The following PCDH9 variants were observed in gnomAD, a reference collection of about 807,000 sequenced individuals.
PCDH9 encodes protocadherin 9, also known as protocadherin-9.
PCDH9 carries 24 observed loss-of-function variants against 70.6 expected under a neutral mutation model. The observed-to-expected ratio is 0.34, with a 90% CI of 0.25 to 0.48. PCDH9 has a LOEUF of 0.48. PCDH9 is among the 20% of genes least tolerant of loss of function. The probability of loss-of-function intolerance (pLI) is 0.99; values close to 1 mark genes in which losing one functional copy is unlikely to be tolerated. For synonymous variants in PCDH9, 562 were observed against 558.5 expected, an observed-to-expected ratio of 1.01 and a Z score of -0.09; for missense variants, 1,281 against 1,503.6, an observed-to-expected ratio of 0.85 and a Z score of 2.45.
chr13:67,037,079 C>T (rs1341761131), intron 2 of PCDH9, among the ~76,000 whole-genome samples: 2 of 152,156 alleles, frequency 1.3e-5, no homozygotes, highest in Non-Finnish European at 2.9e-5. Context: ...TTAAAAGCAG[C>T]TTTAGAGTGC....
chr13:66,896,563 T>C (rs1330599238), intron 3 of PCDH9, among the ~76,000 whole-genome samples: 1 of 151,302 alleles, frequency 6.6e-6, no homozygotes, highest in African/African-American at 2.5e-5. Context: ...ATAATTTCTA[T>C]AAAAATCAAA....
chr13:66,932,051 T>C (rs2082820183), intron 2 of PCDH9, among the ~76,000 whole-genome samples: 1 of 152,114 alleles, frequency 6.6e-6, no homozygotes, highest in South Asian at 2.1e-4. Flanking sequence ...GGAAAGTCAG[T>C]AGCCAAATGG....
chr13:66,569,389 A>C (rs1486122347), intron 4 of PCDH9, among the ~76,000 whole-genome samples: 1 of 152,110 alleles, frequency 6.6e-6, no homozygotes, highest in Non-Finnish European at 1.5e-5. Context: ...CTAAAATGCC[A>C]CTACTCAAAA....
intron 2 of PCDH9, among the ~76,000 whole-genome samples, chr13:67,006,656 A>G (rs1400945870): frequency 1.3e-5 from 2 of 152,202 alleles, no homozygotes; most frequent in Non-Finnish European, 2.9e-5. Flanking sequence ...GTTTAAGTTG[A>G]ATTAAGGTCA....
At position 67,119,849 on chromosome 13, in the gene PCDH9, A is replaced by C. The variant is rs535897392; in HGVS notation, c.3036+105556T>G. On this transcript the variant is annotated intron_variant, in intron 2 of 4. Coordinates refer to ENST00000377865, the MANE Select transcript of PCDH9 (RefSeq NM_203487.3). ...GAATCGTGCAAGAATGGATAGAAAA[A>C]TTCTGAGCCAGGTGGTCATGAGTAG... Among the ~76,000 whole-genome samples, 4 of 152,272 alleles carry C rather than the reference A, an allele frequency of 2.6e-5. No individual in the cohort carries two copies. The South Asian group carries it at 8.3e-4, about 32-fold the overall frequency.
intron 2 of PCDH9, among the ~76,000 whole-genome samples, chr13:67,102,654 A>T (rs1488367820): frequency 6.6e-6 from 1 of 152,190 alleles, no homozygotes; most frequent in African/African-American, 2.4e-5. Context: ...CATGACAGAG[A>T]TAATCTAATC....
chr13:66,340,163 A>G (rs1956102226), intron 4 of PCDH9, among the ~76,000 whole-genome samples: 1 of 152,226 alleles, frequency 6.6e-6, no homozygotes, highest in South Asian at 2.1e-4. Flanking sequence ...ATTTTCAAAT[A>G]TTTCAAATTA....
chr13:66,766,974 G>A (rs940605717), intron 3 of PCDH9, among the ~76,000 whole-genome samples: 10 of 151,968 alleles, frequency 6.6e-5, no homozygotes, highest in Non-Finnish European at 1.0e-4. Context: ...ACATTCAAAA[G>A]AAGTGCAAAA....
chr13:66,760,739 C>A (rs567059613), intron 3 of PCDH9, among the ~76,000 whole-genome samples: 1 of 152,038 alleles, frequency 6.6e-6, no homozygotes, highest in Non-Finnish European at 1.5e-5. Context: ...CTTGCAAAAG[C>A]GAATAGGAGA....
At chr13:66,961,082 T>A (rs1030172627) in intron 2 of PCDH9, among the ~76,000 whole-genome samples, 1 of 152,180 alleles carries the variant, frequency 6.6e-6, no homozygotes, top group Non-Finnish European at 1.5e-5. Context: ...TTTAACTGAC[T>A]ATAGTACAAA....
At chr13:66,777,575 A>G (rs1946189756) in intron 3 of PCDH9, among the ~76,000 whole-genome samples, 1 of 152,146 alleles carries the variant, frequency 6.6e-6, no homozygotes, top group African/African-American at 2.4e-5. Flanking sequence ...TCAAAACCAC[A>G]GTGAGATACC....
intron 2 of PCDH9, among the ~76,000 whole-genome samples, chr13:66,914,773 AT>A (rs1352658223): frequency 6.6e-6 from 1 of 151,838 alleles, no homozygotes; most frequent in African/African-American, 2.4e-5. Context: ...AGTTGACAGT[AT>A]ATCAAAGTTC....
chr13:66,453,432 T>A (rs1958254118), intron 4 of PCDH9, among the ~76,000 whole-genome samples: 1 of 152,202 alleles, frequency 6.6e-6, no homozygotes, highest in African/African-American at 2.4e-5. Context: ...TATGTGATAT[T>A]GTTCCCTAAT....
chr13:67,063,161 G>C (rs138165187), intron 2 of PCDH9, among the ~76,000 whole-genome samples: 1,931 of 152,242 alleles, frequency 0.013, 16 homozygotes, highest in Middle Eastern at 0.041. Flanking sequence ...TGTGGTCTTA[G>C]CTGATGGAGC....
chr13:67,207,742 C>T (rs978102022), intron 2 of PCDH9: 2 of 152,096 alleles, frequency 1.3e-5, no homozygotes, highest in African/African-American at 4.8e-5. Context: ...TGTTTAAAAT[C>T]ATGTTCACAT....
chr13:67,175,655 A>T (rs533365966), intron 2 of PCDH9, among the ~76,000 whole-genome samples: 3 of 152,298 alleles, frequency 2.0e-5, no homozygotes, highest in South Asian at 4.1e-4. Flanking sequence ...AAAAGGCTTC[A>T]TAAATACATT....
At chr13:66,333,117 T>G (rs1256241937) in intron 4 of PCDH9, among the ~76,000 whole-genome samples, 1 of 152,080 alleles carries the variant, frequency 6.6e-6, no homozygotes, top group Non-Finnish European at 1.5e-5. Context: ...ACTTTCTTAC[T>G]AGCCCATGTC....
chr13:66,585,305 G>A (rs907660779), intron 4 of PCDH9, among the ~76,000 whole-genome samples: 1 of 151,990 alleles, frequency 6.6e-6, no homozygotes, highest in Non-Finnish European at 1.5e-5. Flanking sequence ...GATTATCTGT[G>A]AGAAATTGAA....
intron 4 of PCDH9, among the ~76,000 whole-genome samples, chr13:66,357,007 G>C (rs1419334859): frequency 6.6e-6 from 1 of 151,934 alleles, no homozygotes; most frequent in Non-Finnish European, 1.5e-5. Flanking sequence ...CCATACCAGT[G>C]TGTGGGGGAA....
Sources: allele counts gnomAD v4.1 joint callset (sites outside exome capture counted in the v4.1 genomes callset), GRCh38; gene constraint gnomAD v4.1.1; transcripts MANE v1.5; gene names NCBI Gene and HGNC (gene_info 2026-07-23, HGNC 2026-07-21).